The following TRIM71 variants were observed in gnomAD, a reference collection of about 807,000 sequenced individuals.
TRIM71 encodes the protein tripartite motif containing 71.
Under a neutral mutation model 61.2 loss-of-function variants are expected in TRIM71, and 9 were observed. The observed-to-expected ratio is 0.15, with a 90% CI of 0.09 to 0.26. The LOEUF (loss-of-function observed/expected upper bound fraction) is 0.26. Ranked by LOEUF, TRIM71 falls within the 10% of genes least tolerant of loss-of-function variation. The pLI is 1.00. For missense variants in TRIM71, 998 were observed against 1,238.7 expected (o/e 0.81, Z 2.92); for synonymous variants, 645 against 553.2 (o/e 1.17, Z -2.33).
intron 1 of TRIM71, among the ~76,000 whole-genome samples, chr3:32,869,930 A>T (rs1416972937): frequency 6.6e-6 from 1 of 152,158 alleles, no homozygotes; most frequent in Non-Finnish European, 1.5e-5. Context: ...CAGGCCCTGG[A>T]ATTCCTGCTG....
At chr3:32,828,384 G>A (rs1696228360) in intron 1 of TRIM71, among the ~76,000 whole-genome samples, 1 of 152,016 alleles carries the variant, frequency 6.6e-6, no homozygotes. Flanking sequence ...GTTAGATTCT[G>A]CTTTGCCTCA....
At chr3:32,883,262 G>C (rs764288557) in intron 2 of TRIM71, among the ~76,000 whole-genome samples, 1 of 152,182 alleles carries the variant, frequency 6.6e-6, no homozygotes, top group African/African-American at 2.4e-5. Flanking sequence ...AGGTAATGTG[G>C]ATGTAATATC....
At position 32,857,498 on chromosome 3, in the gene TRIM71, G is replaced by A. The variant is rs182187265; in HGVS notation, c.853-16320G>A. 4.8e-3 allele frequency among the ~76,000 whole-genome samples: 727 copies of A among 152,244 alleles called. 21 individuals carry two copies. Among genetic ancestry groups the A allele is most frequent in the Admixed American group, 0.044 (670 of 15,290 alleles). On this transcript the variant is annotated intron_variant, in intron 1 of 3. Coordinates refer to ENST00000383763, the MANE Select transcript of TRIM71 (RefSeq NM_001039111.3). ...AATGTGGGGGGTTAGGGGCGCTGAC[G>A]CCCTGTACAGTCAAATTTGTGTGTA... is the stretch of plus-strand genomic sequence containing the variant.
chr3:32,847,132 C>T (rs1297428408), intron 1 of TRIM71, among the ~76,000 whole-genome samples: 1 of 151,458 alleles, frequency 6.6e-6, no homozygotes, highest in Non-Finnish European at 1.5e-5. Flanking sequence ...TCAAGCGATT[C>T]TCCTGCCTTA....
intron 3 of TRIM71, among the ~76,000 whole-genome samples, chr3:32,886,826 C>T (rs1032773008): frequency 6.6e-6 from 1 of 152,284 alleles, no homozygotes; most frequent in Non-Finnish European, 1.5e-5. Context: ...TTGCTAACTA[C>T]TGGGCCCTAC....
rs377000472 is a variant in TRIM71 at position 32,818,073 on chromosome 3, G to T, written c.-8G>T. The T allele has an allele frequency of 6.2e-7, 1 of 1,609,792 alleles. No homozygotes were observed. The highest frequency in any genetic ancestry group is 8.5e-7 in the Non-Finnish European group (1 of 1,177,688). The stretch of plus-strand genomic sequence containing the variant: ...CTGGTCTCCTCCCTCCTCCGGGCTG[G>T]GTTGCAAATGGCTTCGTTCCCCGAG... On this transcript the variant is annotated 5_prime_UTR_variant, in exon 1 of 4. Coordinates refer to ENST00000383763, the MANE Select transcript of TRIM71 (RefSeq NM_001039111.3).
chr3:32,841,899 A>C (rs1214963228), intron 1 of TRIM71, among the ~76,000 whole-genome samples: 1 of 152,128 alleles, frequency 6.6e-6, no homozygotes, highest in Non-Finnish European at 1.5e-5. Flanking sequence ...AAACTTCTGT[A>C]CTCAAGTGAT....
At chr3:32,819,000 G>C in intron 1 of TRIM71, 68 bp downstream of exon 1, 10 of 1,561,608 alleles carry the variant, frequency 6.4e-6, no homozygotes, top group Non-Finnish European at 8.7e-6. Context: ...GCGTTTCCCG[G>C]CCGGTCCCAC....
rs112911793 is a variant in TRIM71 at position 32,824,495 on chromosome 3, C to T, written c.852+5563C>T. Among the ~76,000 whole-genome samples, 1,272 of 151,256 alleles carry T rather than the reference C, an allele frequency of 8.4e-3. 24 individuals carry two copies. The highest frequency in any genetic ancestry group is 0.029 in the African/African-American group (1,179 of 41,136). ...TACAGGCAAGAGCCACCGCGCCTGG[C>T]CCTAGTCCTTTTCTTAAGGCTGAGT... On this transcript the variant is annotated intron_variant, in intron 1 of 3. Transcript: ENST00000383763.
chr3:32,867,120 A>G (rs972969339), intron 1 of TRIM71, among the ~76,000 whole-genome samples: 1 of 152,082 alleles, frequency 6.6e-6, no homozygotes, highest in African/African-American at 2.4e-5. Flanking sequence ...TGAGATGAGT[A>G]GATGCCTCTG....
intron 1 of TRIM71, among the ~76,000 whole-genome samples, chr3:32,838,900 A>C (rs1696371190): frequency 6.6e-6 from 1 of 152,094 alleles, no homozygotes; most frequent in Non-Finnish European, 1.5e-5. Flanking sequence ...TCCCGGGTTC[A>C]AGTGATTCTC....
rs1215973067 is a variant in TRIM71, at chr3:32,818,911, C to G, written c.831C>G (p.Phe277Leu). Residue 277 changes from phenylalanine (F) to leucine (L), a missense_variant, in exon 1 of 4, where the codon TTC becomes TTG. Physicochemically the swap from Phe to Leu is conservative, Grantham distance 22 (BLOSUM62 0). Coordinates refer to ENST00000383763, the MANE Select transcript of TRIM71 (RefSeq NM_001039111.3). ...ILSVFPERLG[F>L]CQHHDDEVLH... Reference sequence around the variant, plus strand: ...CAGTGTTTCCCGAGCGCCTCGGCTTCTGCCAGCACCACGACGACGAGGTGA... The same window carrying G: ...CAGTGTTTCCCGAGCGCCTCGGCTTGTGCCAGCACCACGACGACGAGGTGA... The G allele has an allele frequency of 6.2e-7, 1 of 1,612,516 alleles. No homozygotes were observed. The highest frequency in any genetic ancestry group is 8.5e-7 in the Non-Finnish European group (1 of 1,179,868).
At chr3:32,873,131 ACATAAAG>A (rs1696816263) in intron 1 of TRIM71, among the ~76,000 whole-genome samples, 1 of 136,896 alleles carries the variant, frequency 7.3e-6, no homozygotes, top group African/African-American at 2.8e-5. Flanking sequence ...GTAGAACATC[ACATAAAG>A]CAGTTCTGTC....
At chr3:32,833,184 TAAAAAAAAAAAAA>T (rs1182178339) in intron 1 of TRIM71, among the ~76,000 whole-genome samples, 8 of 54,432 alleles carry the variant, frequency 1.5e-4, no homozygotes, top group Non-Finnish European at 2.3e-4. Flanking sequence ...ACTCTGTCTT[TAAAAAAAAAAAAA>T]AAAAAAAAAA....
chr3:32,839,608 C>T (rs1290148106), intron 1 of TRIM71, among the ~76,000 whole-genome samples: 1 of 124,264 alleles, frequency 8.0e-6, no homozygotes, highest in African/African-American at 3.2e-5. Context: ...TTCCTCTGTG[C>T]ATAATTGTTG....
chr3:32,896,944 T>C lies in TRIM71; in HGVS notation c.*5133T>C, dbSNP rs1697084236. The C allele has an allele frequency of 6.6e-6, 1 of 151,778 alleles. No individual in the cohort carries two copies. The highest frequency in any genetic ancestry group is 1.5e-5 in the Non-Finnish European group (1 of 67,896). 9.4% of individuals were successfully genotyped at this position (151,778 alleles called of 1,614,324 possible). A position where few individuals can be genotyped will look rare whatever the true frequency, so the allele number is the denominator to read the frequency against. On this transcript the variant is annotated 3_prime_UTR_variant, in exon 4 of 4. Coordinates refer to ENST00000383763, the MANE Select transcript of TRIM71 (RefSeq NM_001039111.3). ...TTCTTCAGAGGAAGATTTTTCACAT[T>C]TCTGGGGTTTTCTTGCTTTTAGGGT... is the stretch of plus-strand genomic sequence containing the variant.
chr3:32,854,138 G>A (rs775685490), intron 1 of TRIM71, among the ~76,000 whole-genome samples: 15 of 152,166 alleles, frequency 9.9e-5, no homozygotes, highest in Non-Finnish European at 1.9e-4. Context: ...ACAGGCATGT[G>A]CCACCATGCC....
rs1337232424 is a variant in TRIM71, at chr3:32,890,012, A to C, written c.1156-348A>C. ...ACATTACAATTACAGAAATCAGGAA[A>C]TTTGATTTTGATACAGTACTAGCAT... is the stretch of plus-strand genomic sequence containing the variant. On this transcript the variant is annotated intron_variant, in intron 3 of 3. Transcript: ENST00000383763. This position sits in a 1 kb window ranked among gnomAD's most constrained non-coding sequence, Gnocchi z 6.2. 6.6e-6 allele frequency among the ~76,000 whole-genome samples: 1 copy of C among 152,144 alleles called. No individual in the cohort carries two copies. Among genetic ancestry groups the C allele is most frequent in the East Asian group, 1.9e-4 (1 of 5,190 alleles).
At chr3:32,874,250 C>G (rs1696829363) in intron 2 of TRIM71, among the ~76,000 whole-genome samples, 1 of 152,122 alleles carries the variant, frequency 6.6e-6, no homozygotes, top group Non-Finnish European at 1.5e-5. Context: ...TCCCACCCAG[C>G]CACCTCCCGA....
Sources: allele counts gnomAD v4.1 joint callset (sites outside exome capture counted in the v4.1 genomes callset), GRCh38; gene constraint gnomAD v4.1.1; non-coding constraint Gnocchi (gnomAD v3.1); transcripts MANE v1.5; gene names NCBI Gene and HGNC (gene_info 2026-07-23, HGNC 2026-07-21).